ASCC3: variants seen among roughly 807,000 people sequenced by gnomAD.
The protein encoded by ASCC3 is activating signal cointegrator 1 complex subunit 3, also known as ASC-1 complex subunit P200.
Under a neutral mutation model 256.3 loss-of-function variants are expected in ASCC3, and 158 were observed. The observed-to-expected ratio is 0.62, with a 90% CI of 0.54 to 0.70. ASCC3 has a LOEUF of 0.70. Ranked by LOEUF, ASCC3 falls within the 30% of genes least tolerant of loss-of-function variation. ASCC3 has a pLI of 0.00. For missense variants in ASCC3, 2,259 were observed against 2,626.0 expected, an observed-to-expected ratio of 0.86 and a Z score of 3.05; for synonymous variants, 948 against 883.4, an observed-to-expected ratio of 1.07 and a Z score of -1.30.
chr6:100,750,161 T>C (rs574899548), intron 10 of ASCC3, among the ~76,000 whole-genome samples: 1 of 151,986 alleles, frequency 6.6e-6, no homozygotes, highest in South Asian at 2.1e-4. Flanking sequence ...CTAAAAAAAA[T>C]TGCCCCAAAC....
intron 3 of ASCC3, among the ~76,000 whole-genome samples, chr6:100,853,420 CTTTTTTT>C (rs11299576): frequency 0.019 from 2,387 of 127,676 alleles, 64 homozygotes; most frequent in African/African-American, 0.066. Flanking sequence ...ATAAATATTC[CTTTTTTT>C]TTTTTTTTTT....
chr6:100,851,461 G>A (rs1454921740), intron 3 of ASCC3, among the ~76,000 whole-genome samples: 1 of 152,040 alleles, frequency 6.6e-6, no homozygotes, highest in Non-Finnish European at 1.5e-5. Flanking sequence ...CCTTTAAAAA[G>A]TCCATTAATA....
In ASCC3 at chr6:100,523,606, C is replaced by T. The variant is rs1582384827; in HGVS notation, c.5776-5464G>A. On this transcript the variant is annotated intron_variant, in intron 37 of 41. Coordinates refer to ENST00000369162, the MANE Select transcript of ASCC3 (RefSeq NM_006828.4). ...TGGGGTTCCTGAAGCCAAAGGTATC[C>T]CTTATGACTTGGATACACCACATGT... 2.6e-5 allele frequency among the ~76,000 whole-genome samples: 4 copies of T among 152,162 alleles called. No individual in the cohort carries two copies. The South Asian group carries it at 8.3e-4, about 32-fold the overall frequency.
intron 13 of ASCC3, among the ~76,000 whole-genome samples, chr6:100,703,801 G>A (rs1778453188): frequency 6.6e-6 from 1 of 151,704 alleles, no homozygotes; most frequent in Admixed American, 6.6e-5. Context: ...TATAACAAAT[G>A]ACTGTTAACA....
chr6:100,848,275 C>T lies in ASCC3; in HGVS notation c.674G>A (p.Cys225Tyr). The change falls in exon 4 of 42, where the codon TGT becomes TAT. Residue 225 changes from cysteine (C) to tyrosine (Y), a missense_variant. Cys to Tyr is a radical substitution (Grantham distance 194, BLOSUM62 -2). Coordinates refer to ENST00000369162, the MANE Select transcript of ASCC3 (RefSeq NM_006828.4). ...TGAATTTAGGTACTTTTCAACTTCA[C>T]ACCACAAAAAGGAGCCATTTGTTTT... ...VEKTNGSFLW[C>Y]EVEKYLNSTL... The T allele has an allele frequency of 1.9e-6, 3 of 1,614,084 alleles. No individual in the cohort carries two copies. The highest frequency in any genetic ancestry group is 2.2e-5 in the East Asian group (1 of 44,866).
intron 1 of ASCC3, among the ~76,000 whole-genome samples, chr6:100,877,661 T>C (rs978965366): frequency 8.5e-5 from 13 of 152,180 alleles, no homozygotes; most frequent in Admixed American, 6.5e-4. Flanking sequence ...TTTAACTTTC[T>C]TGAATCTACC....
intron 8 of ASCC3, among the ~76,000 whole-genome samples, chr6:100,798,294 T>C (rs1377662966): frequency 6.6e-6 from 1 of 152,094 alleles, no homozygotes; most frequent in Non-Finnish European, 1.5e-5. Flanking sequence ...CAGGCAAACA[T>C]TATTCAAAAT....
chr6:100,735,005 C>T (rs1322984415), intron 10 of ASCC3, among the ~76,000 whole-genome samples: 3 of 152,010 alleles, frequency 2.0e-5, no homozygotes, highest in African/African-American at 7.2e-5. Flanking sequence ...TATAAAAAGT[C>T]TACTTTAAAC....
At chr6:100,609,377 T>G (rs1214902609) in intron 30 of ASCC3, among the ~76,000 whole-genome samples, 4 of 152,080 alleles carry the variant, frequency 2.6e-5, no homozygotes, top group Non-Finnish European at 5.9e-5. Context: ...AATGCTACAT[T>G]TAGTATATTC....
At chr6:100,862,785 T>C (rs778509063) in intron 3 of ASCC3, among the ~76,000 whole-genome samples, 70 of 152,064 alleles carry the variant, frequency 4.6e-4, no homozygotes, top group Non-Finnish European at 9.1e-4. Context: ...ATGGAGAAAA[T>C]GTTATGAATG....
chr6:100,577,907 G>A (rs559414992), intron 36 of ASCC3, among the ~76,000 whole-genome samples: 5 of 152,126 alleles, frequency 3.3e-5, no homozygotes, highest in Admixed American at 6.6e-5. Context: ...AGTGAGCAAC[G>A]AAATTGAGTA....
chr6:100,756,104 T>C (rs1781167931), intron 10 of ASCC3, among the ~76,000 whole-genome samples: 1 of 151,832 alleles, frequency 6.6e-6, no homozygotes, highest in African/African-American at 2.4e-5. Flanking sequence ...GGTCTGGAAC[T>C]GCTATTAAAC....
At chr6:100,598,155 T>TA (rs1772407234) in intron 34 of ASCC3, among the ~76,000 whole-genome samples, 2 of 152,052 alleles carry the variant, frequency 1.3e-5, no homozygotes, top group Non-Finnish European at 2.9e-5. Context: ...AGGAACCTCT[T>TA]ATGTAGACGG....
At chr6:100,659,796 C>T (rs1776099593) in intron 16 of ASCC3, among the ~76,000 whole-genome samples, 1 of 151,542 alleles carries the variant, frequency 6.6e-6, no homozygotes, top group African/African-American at 2.4e-5. Context: ...ATATAGTTTT[C>T]CTTGACATGC....
At chr6:100,809,953 G>C (rs1770378702) in intron 4 of ASCC3, among the ~76,000 whole-genome samples, 2 of 152,010 alleles carry the variant, frequency 1.3e-5, no homozygotes, top group Admixed American at 6.6e-5. Context: ...ATATGCCCTG[G>C]TACACCAGAA....
intron 14 of ASCC3, among the ~76,000 whole-genome samples, chr6:100,666,017 A>T (rs929222770): frequency 5.9e-5 from 9 of 152,074 alleles, no homozygotes; most frequent in African/African-American, 2.2e-4. Flanking sequence ...CTGTACTCCA[A>T]CCCTATAGTT....
At chr6:100,697,301 T>G (rs1423851377) in intron 13 of ASCC3, among the ~76,000 whole-genome samples, 3 of 152,050 alleles carry the variant, frequency 2.0e-5, no homozygotes, top group Non-Finnish European at 4.4e-5. Context: ...CTTCACATTT[T>G]GCTGCTTGAG....
chr6:100,844,785 C>T (rs1451574078), intron 4 of ASCC3, among the ~76,000 whole-genome samples: 1 of 151,974 alleles, frequency 6.6e-6, no homozygotes, highest in Non-Finnish European at 1.5e-5. Flanking sequence ...ATGATATTGG[C>T]AAAAGCTAAG....
chr6:100,669,336 T>TAC (rs1481895577), intron 14 of ASCC3, among the ~76,000 whole-genome samples: 1 of 150,350 alleles, frequency 6.7e-6, no homozygotes, highest in African/African-American at 2.4e-5. Context: ...TATATATATA[T>TAC]ACACAGACAA....
Sources: gnomAD v4.1 joint callset for allele counts (sites outside exome capture counted in the v4.1 genomes callset) on GRCh38, gnomAD v4.1.1 for gene constraint, MANE v1.5 for transcripts, NCBI Gene and HGNC (gene_info 2026-07-23, HGNC 2026-07-21) for gene names.